Variants in EIF2AK4 observed in about 807,000 individuals in gnomAD.
The protein encoded by EIF2AK4 is eukaryotic translation initiation factor 2 alpha kinase 4.
In EIF2AK4, 139 loss-of-function variants were observed where a neutral mutation model predicts 211.1. The observed-to-expected ratio is 0.66, with a 90% CI of 0.57 to 0.76. The LOEUF is 0.76. EIF2AK4 is among the 30% of genes least tolerant of loss of function. The pLI is 0.00. For synonymous variants in EIF2AK4, 710 were observed against 751.3 expected, an observed-to-expected ratio of 0.94 and a Z score of 0.90; for missense variants, 1,664 against 2,043.8, an observed-to-expected ratio of 0.81 and a Z score of 3.58.
intron 1 of EIF2AK4, among the ~76,000 whole-genome samples, chr15:39,935,150 T>C (rs2034045845): frequency 6.6e-6 from 1 of 152,250 alleles, no homozygotes; most frequent in South Asian, 2.1e-4. Flanking sequence ...ACCAGCTTGC[T>C]CTAGCTCTAG....
intron 24 of EIF2AK4, 105 bp from the exon 25 acceptor site, chr15:40,007,922 A>G: frequency 1.1e-6 from 1 of 902,056 alleles, no homozygotes. Context: ...CATACCACCG[A>G]TTAATTTTTT....
intron 13 of EIF2AK4, among the ~76,000 whole-genome samples, chr15:39,982,676 C>T (rs2034808666): frequency 6.6e-6 from 1 of 152,082 alleles, no homozygotes; most frequent in African/African-American, 2.4e-5. Context: ...GGTATTTCTC[C>T]TAAAGCTATC....
Position 39,998,774 on chromosome 15 carries a change from A to G in EIF2AK4, c.2912A>G (p.His971Arg), listed in dbSNP as rs545347096. The change falls in exon 20 of 39, where the codon CAT becomes CGT. Residue 971 changes from histidine to arginine, a missense_variant. Physicochemically the swap from His to Arg is conservative, Grantham distance 29. Coordinates refer to ENST00000263791, the MANE Select transcript of EIF2AK4 (RefSeq NM_001013703.4). The part of the protein sequence containing the change: ...KFPEDFDDGE[H>R]AKQKSVISWL... ...CCAGAAGACTTTGACGATGGAGAGC[A>G]TGCAAAGCAGGTAATTTTCTGATGC... 1 of 1,612,450 alleles carries G rather than the reference A, an allele frequency of 6.2e-7. No homozygotes were observed. Among genetic ancestry groups the G allele is most frequent in the East Asian group, 2.2e-5 (1 of 44,808 alleles).
At chr15:40,027,822 T>C (rs1339597772) in intron 33 of EIF2AK4, among the ~76,000 whole-genome samples, 2 of 149,622 alleles carry the variant, frequency 1.3e-5, no homozygotes, top group Non-Finnish European at 3.0e-5. Flanking sequence ...ACCCGGGAGG[T>C]GGAGCTTGCA....
chr15:40,012,617 T>G (rs937327519), intron 27 of EIF2AK4, among the ~76,000 whole-genome samples: 1 of 151,976 alleles, frequency 6.6e-6, no homozygotes, highest in African/African-American at 2.4e-5. Context: ...TACCCAAGTT[T>G]CCAACCCAAA....
chr15:39,935,541 G>A (rs539249862), intron 1 of EIF2AK4, among the ~76,000 whole-genome samples: 2 of 152,030 alleles, frequency 1.3e-5, no homozygotes, highest in East Asian at 1.9e-4. Context: ...CTGTTGCCCG[G>A]GCTGGTATCA....
intron 3 of EIF2AK4, among the ~76,000 whole-genome samples, chr15:39,947,833 C>T (rs1352231439): frequency 6.6e-6 from 1 of 152,204 alleles, no homozygotes; most frequent in East Asian, 1.9e-4. Flanking sequence ...GAAAGTAGTT[C>T]TTTTCATCCA....
chr15:39,973,469 AAG>A, intron 10 of EIF2AK4, 121 bp from the exon 11 acceptor site: 8 of 1,009,072 alleles, frequency 7.9e-6, no homozygotes, highest in Non-Finnish European at 1.2e-5. Flanking sequence ...CCACTCAGGT[AAG>A]AGGTAATTTT....
intron 30 of EIF2AK4, among the ~76,000 whole-genome samples, chr15:40,020,165 CAA>C (rs34522012): frequency 1.5e-5 from 2 of 132,352 alleles, no homozygotes; most frequent in Non-Finnish European, 1.6e-5. Flanking sequence ...CAGACCCTGT[CAA>C]AAAAAAAAAA....
At chr15:39,987,892 G>T (rs991455039) in intron 14 of EIF2AK4, 91 bp from the exon 15 acceptor site, 2 of 1,461,906 alleles carry the variant, frequency 1.4e-6, no homozygotes, top group Admixed American at 3.7e-5. Flanking sequence ...CATGGTACAC[G>T]TTTTAAAATG....
intron 31 of EIF2AK4, chr15:40,022,216 A>G (rs8029772): frequency 0.43 from 62,143 of 145,396 alleles, 9,604 homozygotes; most frequent in Admixed American, 0.53. Context: ...GTGTGTGTGT[A>G]TGTTGTGTTG....
At position 39,992,772 on chromosome 15, in the gene EIF2AK4, A is replaced by G; in HGVS notation, c.2690A>G (p.His897Arg). Residue 897 changes from histidine (H) to arginine (R), a missense_variant, in exon 18 of 39, where the codon CAC becomes CGC. Around this residue, in one of 7 missense-constraint regions of EIF2AK4, gnomAD observed 622 missense variants for 796.8 expected, o/e 0.78. Transcript: ENST00000263791. ...GDLIKSDPSG[H>R]LTGMVGTALY... ...CCCTCTGTTTTCCTCCACACAGGTC[A>G]CTTAACTGGGATGGTTGGCACTGCT... The G allele has an allele frequency of 6.2e-7, 1 of 1,614,068 alleles. No individual in the cohort carries two copies.
intron 10 of EIF2AK4, among the ~76,000 whole-genome samples, 188 bp downstream of exon 10, chr15:39,973,202 A>G (rs1401877822): frequency 2.0e-5 from 3 of 152,150 alleles, no homozygotes; most frequent in East Asian, 1.9e-4. Flanking sequence ...TCTAGTCTCT[A>G]TTGATGGAAT....
chr15:39,955,520 G>A lies in EIF2AK4; in HGVS notation c.595-100G>A, dbSNP rs964632010. On this transcript the variant is annotated intron_variant, in intron 5 of 38. Transcript: ENST00000263791. The stretch of plus-strand genomic sequence containing the variant: ...ATTTTATTTCACTTGTAAACATTCA[G>A]CTTAAAATTTGCATTCTATACTGAA... The A allele has an allele frequency of 9.3e-5, 112 of 1,208,730 alleles. 2 individuals are homozygous for A. The South Asian group carries it at 1.5e-3, about 16-fold the overall frequency. 74.9% of individuals were successfully genotyped at this position (1,208,730 alleles called of 1,614,324 possible).
intron 36 of EIF2AK4, 137 bp from the exon 37 acceptor site, chr15:40,032,620 T>A (rs2035558580): frequency 4.1e-6 from 3 of 727,844 alleles, no homozygotes; most frequent in Non-Finnish European, 6.8e-6. Context: ...ACTGCACAGT[T>A]CATTAAGCCC....
rs1159578122 is a variant in EIF2AK4, at chr15:39,934,178, C to T, written c.-18C>T. 1.3e-6 allele frequency: 2 copies of T among 1,499,762 alleles called. No individual in the cohort carries two copies. The highest frequency in any genetic ancestry group is 2.9e-5 in the African/African-American group (2 of 69,382). The allele number at this position is 1,499,762 out of a possible 1,614,324, so 92.9% of individuals were successfully genotyped here. ...CGCCGCCCAGGCAAGGCCGCCCTGC[C>T]TTGGGCGCAGCGCTGCCATGGCTGG... On this transcript the variant is annotated 5_prime_UTR_variant, in exon 1 of 39. Transcript: ENST00000263791.
chr15:39,955,067 CCT>C (rs561069871), intron 5 of EIF2AK4, among the ~76,000 whole-genome samples: 1 of 152,166 alleles, frequency 6.6e-6, no homozygotes, highest in African/African-American at 2.4e-5. Context: ...AGATGAGATC[CCT>C]GTTTCCACCA....
intron 38 of EIF2AK4, 71 bp from the exon 39 acceptor site, chr15:40,034,956 A>C (rs1595442993): frequency 1.6e-6 from 2 of 1,285,182 alleles, no homozygotes; most frequent in East Asian, 4.8e-5. Context: ...CAGGTGTTAT[A>C]AAAATTTATT....
Position 39,967,863 on chromosome 15 carries a change from C to G in EIF2AK4, c.1537C>G (p.Gln513Glu), listed in dbSNP as rs200393344. ...CCCTAGTGACTTACCAGCTGACTTT[C>G]AAGATTTTCTAAAGAAGTGAGTATC... ...TIPSDLPADF[Q>E]DFLKKCVCLD... is the part of the protein sequence containing the mutation. The change falls in exon 9 of 39, where the codon CAA becomes GAA. Residue 513 changes from glutamine to glutamate, a missense_variant. This residue lies in a region of EIF2AK4 where 641 missense variants were observed against 729.6 expected (regional missense o/e 0.88). Coordinates refer to ENST00000263791, the MANE Select transcript of EIF2AK4 (RefSeq NM_001013703.4). The G allele has an allele frequency of 5.5e-4, 890 of 1,613,606 alleles. 1 individual carries two copies. The highest frequency in any genetic ancestry group is 7.0e-4 in the Non-Finnish European group (831 of 1,179,666).
Sources: gnomAD v4.1 joint callset for allele counts (sites outside exome capture counted in the v4.1 genomes callset) on GRCh38, gnomAD v4.1.1 for gene constraint, gnomAD v4.1.1 regional missense constraint, MANE v1.5 for transcripts, NCBI Gene and HGNC (gene_info 2026-07-23, HGNC 2026-07-21) for gene names.